The following PCDH7 variants were observed in gnomAD, a reference collection of about 807,000 sequenced individuals.
PCDH7 encodes protocadherin-7.
A neutral mutation model predicts 58.9 loss-of-function variants in PCDH7; 17 were observed. That is an observed-to-expected ratio of 0.29 (90% confidence interval 0.20 to 0.43). The LOEUF (loss-of-function observed/expected upper bound fraction) is 0.43, where lower values mean the gene tolerates loss of function less well. Ranked by LOEUF, PCDH7 falls within the 20% of genes least tolerant of loss-of-function variation. The pLI is 1.00. For synonymous variants in PCDH7, 664 were observed against 616.4 expected (o/e 1.08, Z -1.14); for missense variants, 1,274 against 1,441.0 (o/e 0.88, Z 1.88).
In PCDH7 at chr4:30,882,078, C is replaced by G. The variant is rs553086756; in HGVS notation, c.71-38075C>G. ...TCCTCCTCTTCCTACCTCTCATCCT[C>G]CTCCTCCCCTGCTTCCTCCCCCTCC... On this transcript the variant is annotated intron_variant, in intron 1 of 3. Coordinates refer to the PCDH7 transcript ENST00000509759. Among the ~76,000 whole-genome samples, 99 of 150,664 alleles carry G rather than the reference C, an allele frequency of 6.6e-4. 1 individual carries two copies. The highest frequency in any genetic ancestry group is 2.2e-3 in the Admixed American group (33 of 15,050).
chr4:30,724,166 G>C, exon 1 of PCDH7: 1 of 1,613,880 alleles, frequency 6.2e-7, no homozygotes, highest in Non-Finnish European at 8.5e-7. Flanking sequence ...TATGAAGCCG[G>C]CAAAAAAGAT....
chr4:31,047,577 T>A (rs376035218), intron 3 of PCDH7, among the ~76,000 whole-genome samples: 2 of 152,086 alleles, frequency 1.3e-5, no homozygotes, highest in African/African-American at 4.8e-5. Context: ...ATTTGTATCT[T>A]AAGAGAAATA....
intron 3 of PCDH7, among the ~76,000 whole-genome samples, chr4:31,108,170 A>G (rs529272402): frequency 1.3e-5 from 2 of 152,152 alleles, no homozygotes; most frequent in Non-Finnish European, 2.9e-5. Context: ...TGTTTATGGT[A>G]TGAAATCTGT....
chr4:31,087,859 T>G (rs534478256), intron 3 of PCDH7, among the ~76,000 whole-genome samples: 13 of 152,220 alleles, frequency 8.5e-5, no homozygotes, highest in African/African-American at 2.6e-4. Context: ...ATTATTAACA[T>G]GTAGTAGGTG....
chr4:30,941,742 C>CA (rs1746058556), intron 2 of PCDH7, among the ~76,000 whole-genome samples: 1 of 151,636 alleles, frequency 6.6e-6, no homozygotes, highest in Non-Finnish European at 1.5e-5. Flanking sequence ...TACATGAGAC[C>CA]AAAAAATGAG....
intron 1 of PCDH7, among the ~76,000 whole-genome samples, chr4:30,918,170 G>A (rs1742722605): frequency 6.6e-6 from 1 of 152,058 alleles, no homozygotes; most frequent in African/African-American, 2.4e-5. Context: ...ATGACCCTTG[G>A]CATTCTTAGC....
chr4:30,970,906 A>C (rs557059601), intron 3 of PCDH7, among the ~76,000 whole-genome samples: 1 of 152,330 alleles, frequency 6.6e-6, no homozygotes, highest in East Asian at 1.9e-4. Flanking sequence ...CCTCATGTGC[A>C]AAGTGTACAG....
intron 2 of PCDH7, among the ~76,000 whole-genome samples, chr4:30,922,746 A>G (rs1180610806): frequency 6.6e-6 from 1 of 152,114 alleles, no homozygotes; most frequent in Non-Finnish European, 1.5e-5. Context: ...TGAAAGTCAG[A>G]GTTTATATGA....
intron 1 of PCDH7, among the ~76,000 whole-genome samples, chr4:30,855,829 C>T (rs1425939846): frequency 6.6e-6 from 1 of 152,024 alleles, no homozygotes; most frequent in African/African-American, 2.4e-5. Context: ...TTTAAGAATC[C>T]TTCATTGGAG....
At position 30,751,408 on chromosome 4, in the gene PCDH7, C is replaced by T. The variant is rs147603382; in HGVS notation, c.70+26812C>T. On this transcript the variant is annotated intron_variant, in intron 1 of 3. Coordinates refer to the PCDH7 transcript ENST00000509759. ...AGGATCAAAGATCTCAGAAATATTT[C>T]GAGCAAAAGAGTTCTTCTGTTTCCC... Among the ~76,000 whole-genome samples the T allele has an allele frequency of 1.4e-3, 213 of 152,220 alleles. 1 individual carries two copies. The highest frequency in any genetic ancestry group is 8.1e-3 in the East Asian group (42 of 5,176).
chr4:30,812,940 A>G (rs1427233711), intron 1 of PCDH7, among the ~76,000 whole-genome samples: 2 of 152,350 alleles, frequency 1.3e-5, no homozygotes, highest in East Asian at 3.9e-4. Context: ...AGGCAACATA[A>G]TTCTAAGCAT....
intron 1 of PCDH7, among the ~76,000 whole-genome samples, chr4:30,764,787 C>A (rs1720490158): frequency 6.6e-6 from 1 of 152,124 alleles, no homozygotes; most frequent in Admixed American, 6.6e-5. Context: ...GTGGCGCGAT[C>A]TCAGCTCACT....
At chr4:30,747,635 C>G (rs1717947802) in intron 1 of PCDH7, among the ~76,000 whole-genome samples, 1 of 152,228 alleles carries the variant, frequency 6.6e-6, no homozygotes, top group Non-Finnish European at 1.5e-5. Context: ...TTTAAGGACA[C>G]TGTGGTTACA....
intron 1 of PCDH7, among the ~76,000 whole-genome samples, chr4:30,850,567 G>C (rs563588714): frequency 1.5e-3 from 223 of 152,130 alleles, no homozygotes; most frequent in Non-Finnish European, 2.8e-3. Flanking sequence ...GGTTGGTTTT[G>C]TTGCTGATAT....
At chr4:30,947,460 G>T (rs1397713580) in intron 2 of PCDH7, among the ~76,000 whole-genome samples, 5 of 152,112 alleles carry the variant, frequency 3.3e-5, no homozygotes, top group Non-Finnish European at 7.4e-5. Flanking sequence ...GCCTCATGGG[G>T]ATGAGGGATG....
rs141988720 is a variant in PCDH7, at chr4:31,055,925, C to T, written c.*8-86548C>T. Among the ~76,000 whole-genome samples the T allele has an allele frequency of 4.1e-3, 620 of 152,246 alleles. 2 individuals are homozygous for T. The highest frequency in any genetic ancestry group is 5.6e-3 in the Non-Finnish European group (378 of 68,036). ...CTTCTTTAAGTATTCTCACAGAAGA[C>T]TCTTCCTCATCTTTGTCAAAGAGGA... On this transcript the variant is annotated intron_variant, in intron 3 of 3. Transcript: ENST00000509759.
At chr4:31,022,990 T>C (rs1754147214) in intron 3 of PCDH7, among the ~76,000 whole-genome samples, 1 of 152,216 alleles carries the variant, frequency 6.6e-6, no homozygotes, top group Non-Finnish European at 1.5e-5. Flanking sequence ...AGGTAAATTA[T>C]GCCAACTATC....
chr4:30,797,873 A>G (rs1724998849), intron 1 of PCDH7, among the ~76,000 whole-genome samples: 3 of 152,210 alleles, frequency 2.0e-5, no homozygotes, highest in African/African-American at 7.2e-5. Flanking sequence ...CACATTCTTA[A>G]GAAAATATTA....
intron 1 of PCDH7, among the ~76,000 whole-genome samples, chr4:30,864,848 GA>G (rs1311429254): frequency 2.0e-5 from 3 of 151,670 alleles, no homozygotes; most frequent in Non-Finnish European, 2.9e-5. Context: ...AGGATAATAG[GA>G]AAAAAAATTT....
Sources: gnomAD v4.1 joint callset for allele counts (sites outside exome capture counted in the v4.1 genomes callset) on GRCh38, gnomAD v4.1.1 for gene constraint, MANE v1.5 for transcripts, NCBI Gene and HGNC (gene_info 2026-07-23, HGNC 2026-07-21) for gene names.